Variants in SHISA6 observed in about 807,000 individuals in gnomAD.
SHISA6 encodes the protein shisa family member 6.
In SHISA6, 22 loss-of-function variants were observed where a neutral mutation model predicts 47.9. The observed-to-expected ratio is 0.46, with a 90% CI of 0.33 to 0.66. The LOEUF (loss-of-function observed/expected upper bound fraction) is 0.66, where lower values mean the gene tolerates loss of function less well. SHISA6 is among the 30% of genes least tolerant of loss of function. The pLI, the probability that SHISA6 is intolerant of heterozygous loss-of-function variation, is 0.02. For missense variants in SHISA6, 680 were observed against 764.6 expected, an observed-to-expected ratio of 0.89 and a Z score of 1.30; for synonymous variants, 388 against 337.8, an observed-to-expected ratio of 1.15 and a Z score of -1.63.
chr17:11,392,977 CT>C (rs1284256202), intron 3 of SHISA6, among the ~76,000 whole-genome samples: 1 of 152,246 alleles, frequency 6.6e-6, no homozygotes, highest in East Asian at 1.9e-4. Context: ...CAGTAACCCC[CT>C]TTTTGTGCGA....
chr17:11,536,216 C>T (rs1434309107), intron 3 of SHISA6, among the ~76,000 whole-genome samples: 2 of 152,018 alleles, frequency 1.3e-5, no homozygotes, highest in East Asian at 3.9e-4. Context: ...CTTAAGGGAG[C>T]TATGATAGTA....
At chr17:11,259,105 G>T (rs1013049567) in intron 1 of SHISA6, among the ~76,000 whole-genome samples, 3 of 151,966 alleles carry the variant, frequency 2.0e-5, no homozygotes, top group Non-Finnish European at 4.4e-5. Flanking sequence ...TATAATTTTG[G>T]ATAGATAGGA....
intron 3 of SHISA6, among the ~76,000 whole-genome samples, chr17:11,429,767 G>A (rs1285102544): frequency 2.0e-5 from 3 of 151,674 alleles, no homozygotes; most frequent in Non-Finnish European, 2.9e-5. Context: ...CTCCAGCCTG[G>A]GTGACAAGAG....
At chr17:11,385,294 C>G (rs1913155399) in intron 3 of SHISA6, among the ~76,000 whole-genome samples, 1 of 152,116 alleles carries the variant, frequency 6.6e-6, no homozygotes, top group South Asian at 2.1e-4. Flanking sequence ...GCTTTGCCTA[C>G]CTGGCTTGTG....
intron 3 of SHISA6, among the ~76,000 whole-genome samples, chr17:11,507,518 G>A (rs1325840297): frequency 1.3e-5 from 2 of 152,176 alleles, no homozygotes; most frequent in Non-Finnish European, 2.9e-5. Context: ...CCCACCCGCT[G>A]AGGAAAGTAA....
chr17:11,314,986 G>A (rs1910458773), intron 2 of SHISA6, among the ~76,000 whole-genome samples: 2 of 152,164 alleles, frequency 1.3e-5, no homozygotes, highest in South Asian at 4.1e-4. Flanking sequence ...GTTTGTTCAA[G>A]TTTTATTTTT....
intron 3 of SHISA6, among the ~76,000 whole-genome samples, chr17:11,546,250 A>T (rs2071882924): frequency 6.6e-6 from 1 of 152,136 alleles, no homozygotes; most frequent in Non-Finnish European, 1.5e-5. Context: ...TGGAGTAGGG[A>T]CTTGAATTGA....
chr17:11,551,447 CAG>C (rs2071931069), intron 3 of SHISA6, among the ~76,000 whole-genome samples: 1 of 152,156 alleles, frequency 6.6e-6, no homozygotes, highest in South Asian at 2.1e-4. Flanking sequence ...AGGGACAAAT[CAG>C]AGTCCTGTAA....
intron 2 of SHISA6, among the ~76,000 whole-genome samples, chr17:11,377,623 G>T (rs1912849785): frequency 6.6e-6 from 1 of 152,214 alleles, no homozygotes; most frequent in Non-Finnish European, 1.5e-5. Flanking sequence ...GTAAGAGGGA[G>T]GGAATGGAGC....
chr17:11,321,417 G>A (rs1273811955), intron 2 of SHISA6, among the ~76,000 whole-genome samples: 1 of 152,154 alleles, frequency 6.6e-6, no homozygotes, highest in African/African-American at 2.4e-5. Context: ...TTCTGGATTG[G>A]CAACCAACAA....
chr17:11,502,947 T>C (rs2071467848), intron 3 of SHISA6, among the ~76,000 whole-genome samples: 1 of 152,134 alleles, frequency 6.6e-6, no homozygotes, highest in Non-Finnish European at 1.5e-5. Context: ...AATTTCAGGG[T>C]CGGGTCTTTG....
chr17:11,273,438 G>GC (rs1414135494), intron 2 of SHISA6, among the ~76,000 whole-genome samples: 1 of 152,224 alleles, frequency 6.6e-6, no homozygotes, highest in African/African-American at 2.4e-5. Flanking sequence ...CCTGATGTGA[G>GC]CCCCTCTGCT....
At chr17:11,371,483 A>C (rs138243335) in intron 2 of SHISA6, among the ~76,000 whole-genome samples, 1 of 152,276 alleles carries the variant, frequency 6.6e-6, no homozygotes, top group African/African-American at 2.4e-5. Flanking sequence ...GTCTTAATGC[A>C]AAGAGCAACT....
intron 3 of SHISA6, among the ~76,000 whole-genome samples, chr17:11,453,276 C>T (rs1212470535): frequency 6.6e-6 from 1 of 152,152 alleles, no homozygotes; most frequent in African/African-American, 2.4e-5. Flanking sequence ...GGCCACAGAA[C>T]AGACACTTGG....
At chr17:11,306,433 G>A (rs1444761819) in intron 2 of SHISA6, among the ~76,000 whole-genome samples, 4 of 152,160 alleles carry the variant, frequency 2.6e-5, no homozygotes, top group Admixed American at 2.6e-4. Flanking sequence ...GGTAGAAATT[G>A]CCTTGAGAGT....
In SHISA6 at chr17:11,559,267, G is replaced by A. The variant is rs1336591560; in HGVS notation, c.*963G>A. ...CTTCTCCACCCCTGCTCTGCTCCCA[G>A]GAGGCACCTGCGGTGGCCAGAGAGC... On this transcript the variant is annotated 3_prime_UTR_variant, in exon 6 of 6. Transcript: ENST00000441885. The surrounding 1 kb of genome is among the most constrained non-coding windows in gnomAD (Gnocchi z 4.4). 1 of 152,640 alleles carries A rather than the reference G, an allele frequency of 6.6e-6. No individual in the cohort carries two copies. Among genetic ancestry groups the A allele is most frequent in the Non-Finnish European group, 1.5e-5 (1 of 68,396 alleles). The allele number at this position is 152,640 out of a possible 1,614,324, so 9.5% of individuals were successfully genotyped here. A position where few individuals can be genotyped will look rare whatever the true frequency, so the allele number is the denominator to read the frequency against.
chr17:11,436,031 G>A (rs1412988141), intron 3 of SHISA6, among the ~76,000 whole-genome samples: 1 of 152,208 alleles, frequency 6.6e-6, no homozygotes, highest in Non-Finnish European at 1.5e-5. Flanking sequence ...GGAAACACCA[G>A]AGCTTCTCAG....
chr17:11,514,745 C>CCGAAGG (rs2071568786), intron 3 of SHISA6, among the ~76,000 whole-genome samples: 1 of 152,186 alleles, frequency 6.6e-6, no homozygotes, highest in Non-Finnish European at 1.5e-5. Context: ...CAGAGGTGCT[C>CCGAAGG]TAGGCTCCCT....
rs185467518 is a variant in SHISA6, at chr17:11,262,380, G to A, written c.639-986G>A. Among the ~76,000 whole-genome samples the A allele has an allele frequency of 4.3e-4, 65 of 152,294 alleles. 1 individual carries two copies. The highest frequency in any genetic ancestry group is 1.5e-3 in the African/African-American group (62 of 41,548). ...GCAAAACGGGAGTGCATTGAGGACTGGGGACCTGGATCTGAAGTGACAGTA... is the reference window on the plus strand; with the variant it reads ...GCAAAACGGGAGTGCATTGAGGACTAGGGACCTGGATCTGAAGTGACAGTA... On this transcript the variant is annotated intron_variant, in intron 1 of 5. Coordinates refer to ENST00000441885, the MANE Select transcript of SHISA6 (RefSeq NM_207386.4).
Sources: gnomAD v4.1 joint callset for allele counts (sites outside exome capture counted in the v4.1 genomes callset) on GRCh38, gnomAD v4.1.1 for gene constraint, Gnocchi (gnomAD v3.1) non-coding constraint, MANE v1.5 for transcripts, NCBI Gene and HGNC (gene_info 2026-07-23, HGNC 2026-07-21) for gene names.